Variants in MCF2L2 observed in about 807,000 individuals in gnomAD.
MCF2L2 encodes the protein probable guanine nucleotide exchange factor MCF2L2.
A neutral mutation model predicts 150.2 loss-of-function variants in MCF2L2; 102 were observed. The ratio of observed to expected loss-of-function variants is 0.68; its 90% CI spans 0.58 to 0.80. The LOEUF is 0.80. MCF2L2 is among the 30% of genes least tolerant of loss of function. MCF2L2 has a pLI of 0.00. For synonymous variants in MCF2L2, 465 were observed against 491.3 expected, an observed-to-expected ratio of 0.95 and a Z score of 0.71; for missense variants, 1,256 against 1,372.8, an observed-to-expected ratio of 0.91 and a Z score of 1.34.
chr3:183,258,955 A>G (rs1204991351), intron 15 of MCF2L2, among the ~76,000 whole-genome samples: 1 of 152,220 alleles, frequency 6.6e-6, no homozygotes, highest in African/African-American at 2.4e-5. Context: ...TATGTAAACA[A>G]TTGTTACACG....
intron 3 of MCF2L2, among the ~76,000 whole-genome samples, chr3:183,371,629 A>G (rs550665669): frequency 2.2e-5 from 3 of 135,766 alleles, no homozygotes; most frequent in South Asian, 2.2e-4. Context: ...CACCAGGCCC[A>G]GATAATTTTT....
chr3:183,334,835 T>G (rs1344448918), intron 5 of MCF2L2, among the ~76,000 whole-genome samples: 2 of 147,258 alleles, frequency 1.4e-5, no homozygotes, highest in African/African-American at 5.0e-5. Flanking sequence ...CCAGGCACAA[T>G]GGCTCATGCC....
intron 3 of MCF2L2, among the ~76,000 whole-genome samples, chr3:183,355,613 A>ATTTTT (rs71185653): frequency 0.18 from 14,761 of 83,188 alleles, 1,044 homozygotes; most frequent in Non-Finnish European, 0.2. Context: ...CGCCCAGCTA[A>ATTTTT]TTTTTTTTTT....
intron 1 of MCF2L2, among the ~76,000 whole-genome samples, chr3:183,419,170 T>G (rs777142278): frequency 2.0e-5 from 3 of 152,246 alleles, no homozygotes; most frequent in Non-Finnish European, 4.4e-5. Flanking sequence ...GAGCTGTAAC[T>G]TGGCCCCTTT....
intron 3 of MCF2L2, among the ~76,000 whole-genome samples, chr3:183,368,911 T>C (rs1343159937): frequency 6.6e-6 from 1 of 152,228 alleles, no homozygotes; most frequent in African/African-American, 2.4e-5. Context: ...AGGATGATAA[T>C]CTTTATGAAC....
rs185258179 is a variant in MCF2L2, at chr3:183,359,219, A to G, written c.276-17589T>C. On this transcript the variant is annotated intron_variant, in intron 3 of 29. Transcript: ENST00000328913. ...TACAGGAATTAAGGATGTCAAAGAC[A>G]GAATAACTGTGCTGGGATGTGCTAA... Among the ~76,000 whole-genome samples the G allele has an allele frequency of 3.2e-3, 487 of 152,334 alleles. 1 individual carries two copies. The highest frequency in any genetic ancestry group is 0.011 in the African/African-American group (468 of 41,580).
In MCF2L2 at chr3:183,427,899, T is replaced by C; in HGVS notation, c.76+3A>G. The C allele has an allele frequency of 6.2e-7, 1 of 1,613,696 alleles. No homozygotes were observed. Among genetic ancestry groups the C allele is most frequent in the Non-Finnish European group, 8.5e-7 (1 of 1,179,592 alleles). ...ACGCAGGAAAAATTAAAGCTTCGTTTACCGACATGAGTGATCACTGTGGCC... is the reference window on the plus strand; with the variant it reads ...ACGCAGGAAAAATTAAAGCTTCGTTCACCGACATGAGTGATCACTGTGGCC... On this transcript the variant is annotated splice_donor_region_variant and intron_variant, in intron 1 of 29. Coordinates refer to ENST00000328913, the MANE Select transcript of MCF2L2 (RefSeq NM_015078.4).
chr3:183,310,683 C>A (rs1729332277), intron 9 of MCF2L2: 3 of 487,692 alleles, frequency 6.2e-6, no homozygotes, highest in Admixed American at 3.7e-5. Context: ...GGAAGATAAA[C>A]CATCACTGAA....
Position 183,229,713 on chromosome 3 carries a change from C to T in MCF2L2, c.1998G>A (p.Lys666=). 4 of 1,602,950 alleles carry T rather than the reference C, an allele frequency of 2.5e-6. No individual in the cohort carries two copies. Among genetic ancestry groups the T allele is most frequent in the Non-Finnish European group, 2.6e-6 (3 of 1,171,722 alleles). Residue 666 remains lysine (K), a synonymous_variant, in exon 17 of 30, where the codon AAG becomes AAA. Transcript: ENST00000328913. ...CTCTAATATTCCCAAAGAGAAAGTC[C>T]TTGTTATTCTGAAGAACATCTGGAA... ...HLIPDVLQNN[K]DFLFGNIREL... is the part of the protein sequence containing the mutation.
At chr3:183,257,061 G>GA (rs1347834324) in intron 15 of MCF2L2, among the ~76,000 whole-genome samples, 7 of 150,816 alleles carry the variant, frequency 4.6e-5, no homozygotes, top group Admixed American at 1.3e-4. Context: ...AAAAAAACCT[G>GA]AAAAAAAAAT....
At chr3:183,339,003 A>C in intron 4 of MCF2L2, 84 bp from the exon 5 acceptor site, 1 of 1,352,400 alleles carries the variant, frequency 7.4e-7, no homozygotes, top group Non-Finnish European at 1.0e-6. Flanking sequence ...CCCCTTGCCC[A>C]AGATTAAGAT....
At chr3:183,330,291 AAAAGG>A (rs1042153269) in intron 5 of MCF2L2, among the ~76,000 whole-genome samples, 4 of 151,614 alleles carry the variant, frequency 2.6e-5, no homozygotes, top group Admixed American at 6.6e-5. Context: ...AAGGAAAAGG[AAAAGG>A]AAAGGAAAGG....
intron 12 of MCF2L2, chr3:183,296,081 TAGAC>T (rs1348680207): frequency 6.6e-6 from 1 of 152,570 alleles, no homozygotes; most frequent in Non-Finnish European, 1.5e-5. Flanking sequence ...CACAAACAGT[TAGAC>T]AGGCTGGATA....
At chr3:183,296,873 G>A in intron 12 of MCF2L2, 103 bp downstream of exon 12, 2 of 1,298,454 alleles carry the variant, frequency 1.5e-6, no homozygotes, top group Non-Finnish European at 2.1e-6. Flanking sequence ...ACTCAATTCA[G>A]CCTGCTCAGT....
At chr3:183,231,306 G>A in intron 15 of MCF2L2, 1 of 539,300 alleles carries the variant, frequency 1.9e-6, no homozygotes, top group Non-Finnish European at 3.5e-6. Flanking sequence ...TATAGTGTGG[G>A]GGTCAAGAAG....
chr3:183,269,485 T>C (rs1726530666), intron 15 of MCF2L2: 1 of 273,644 alleles, frequency 3.7e-6, no homozygotes. Context: ...TTTTCTCTTC[T>C]TGACTGTGAT....
At chr3:183,347,265 T>A (rs1231328632) in intron 3 of MCF2L2, among the ~76,000 whole-genome samples, 1 of 152,072 alleles carries the variant, frequency 6.6e-6, no homozygotes, top group African/African-American at 2.4e-5. Flanking sequence ...TCTACAACCA[T>A]CTGATCTTTG....
intron 22 of MCF2L2, among the ~76,000 whole-genome samples, chr3:183,211,378 T>C (rs1476776884): frequency 6.6e-6 from 1 of 152,178 alleles, no homozygotes; most frequent in Non-Finnish European, 1.5e-5. Flanking sequence ...TCGCTGGGTC[T>C]TTCAAGTCTG....
chr3:183,292,564 C>T (rs568423787), intron 13 of MCF2L2, among the ~76,000 whole-genome samples: 2,420 of 150,770 alleles, frequency 0.016, 36 homozygotes, highest in East Asian at 0.049. Context: ...TGTACACACA[C>T]ACACACACAC....
Sources: gnomAD v4.1 joint callset for allele counts (sites outside exome capture counted in the v4.1 genomes callset) on GRCh38, gnomAD v4.1.1 for gene constraint, MANE v1.5 for transcripts, NCBI Gene and HGNC (gene_info 2026-07-23, HGNC 2026-07-21) for gene names.